Variants in GMDS observed in about 807,000 individuals in gnomAD.
GMDS encodes the protein GDP-mannose 4,6 dehydratase.
GMDS carries 20 observed loss-of-function variants against 49.9 expected under a neutral mutation model. That is an observed-to-expected ratio of 0.40 (90% CI 0.28 to 0.58). The LOEUF (loss-of-function observed/expected upper bound fraction) is 0.58. Among genes scored for constraint, GMDS ranks in the 20% least tolerant of loss-of-function variants. The pLI, the probability that GMDS is intolerant of heterozygous loss-of-function variation, is 0.42. For synonymous variants in GMDS, 177 were observed against 178.6 expected (o/e 0.99, Z 0.07); for missense variants, 362 against 481.4 (o/e 0.75, Z 2.32).
At chr6:2,192,431 A>G (rs1779071971) in intron 1 of GMDS, among the ~76,000 whole-genome samples, 2 of 152,226 alleles carry the variant, frequency 1.3e-5, no homozygotes, top group Admixed American at 1.3e-4. Context: ...AGGCTAAAAG[A>G]GCTGTAACAC....
chr6:2,095,512 A>G (rs186478556), intron 4 of GMDS, among the ~76,000 whole-genome samples: 30 of 152,338 alleles, frequency 2.0e-4, no homozygotes, highest in African/African-American at 7.2e-4. Flanking sequence ...AGTATAAAAT[A>G]TTAAGAATCT....
chr6:2,101,852 AT>A (rs1773945141), intron 4 of GMDS, among the ~76,000 whole-genome samples: 1 of 152,116 alleles, frequency 6.6e-6, no homozygotes, highest in South Asian at 2.1e-4. Context: ...GTATCTATAT[AT>A]GTTTAAATAT....
chr6:1,862,620 T>C (rs1051434913), intron 7 of GMDS, among the ~76,000 whole-genome samples: 6 of 152,258 alleles, frequency 3.9e-5, no homozygotes, highest in African/African-American at 1.4e-4. Context: ...TACTGATTAG[T>C]CTTTGCCAAA....
At chr6:2,092,341 C>G (rs1321431648) in intron 4 of GMDS, among the ~76,000 whole-genome samples, 2 of 152,158 alleles carry the variant, frequency 1.3e-5, no homozygotes, top group African/African-American at 4.8e-5. Flanking sequence ...TCTACTCACA[C>G]ATTGCCCTTT....
At chr6:1,724,086 A>G (rs1362450204) in intron 9 of GMDS, among the ~76,000 whole-genome samples, 1 of 152,224 alleles carries the variant, frequency 6.6e-6, no homozygotes, top group African/African-American at 2.4e-5. Flanking sequence ...CATACAGGAA[A>G]AGCTTACCCA....
chr6:1,818,135 C>T (rs868160442), intron 7 of GMDS, among the ~76,000 whole-genome samples: 7 of 152,116 alleles, frequency 4.6e-5, no homozygotes, highest in South Asian at 2.1e-4. Flanking sequence ...TATGGTATGA[C>T]GACAGGTATA....
At chr6:1,670,049 G>T (rs1210622417) in intron 9 of GMDS, among the ~76,000 whole-genome samples, 3 of 151,846 alleles carry the variant, frequency 2.0e-5, no homozygotes, top group Non-Finnish European at 2.9e-5. Context: ...GAACATCTTG[G>T]TGTCACAAAC....
chr6:1,720,127 G>T (rs900324709), intron 9 of GMDS, among the ~76,000 whole-genome samples: 11 of 152,244 alleles, frequency 7.2e-5, no homozygotes, highest in African/African-American at 2.6e-4. Context: ...TTTTAATCTA[G>T]ATCTGATAAT....
intron 9 of GMDS, among the ~76,000 whole-genome samples, chr6:1,697,227 C>T (rs922649739): frequency 2.6e-5 from 4 of 152,306 alleles, no homozygotes; most frequent in African/African-American, 9.6e-5. Context: ...GCAGGTGTCC[C>T]CCAAACTCTA....
At chr6:1,982,270 C>T (rs913402500) in intron 4 of GMDS, among the ~76,000 whole-genome samples, 11 of 152,168 alleles carry the variant, frequency 7.2e-5, no homozygotes, top group African/African-American at 2.4e-4. Context: ...AACTCACAGC[C>T]ATTATCATAC....
At chr6:1,696,829 A>G (rs185529781) in intron 9 of GMDS, among the ~76,000 whole-genome samples, 2 of 152,180 alleles carry the variant, frequency 1.3e-5, no homozygotes, top group East Asian at 1.9e-4. Flanking sequence ...GGAAAATCTC[A>G]TGGATGAAGA....
intron 9 of GMDS, among the ~76,000 whole-genome samples, chr6:1,711,496 C>T (rs370323094): frequency 2.0e-5 from 3 of 152,314 alleles, no homozygotes; most frequent in South Asian, 4.1e-4. Context: ...TTGGGTAACC[C>T]ACCCATCCAC....
intron 9 of GMDS, among the ~76,000 whole-genome samples, chr6:1,676,983 T>G (rs1454981743): frequency 6.6e-6 from 1 of 151,766 alleles, no homozygotes; most frequent in Non-Finnish European, 1.5e-5. Flanking sequence ...ACTAACAGAG[T>G]GAACAGGCAA....
At chr6:1,793,881 T>C (rs1769639112) in intron 7 of GMDS, among the ~76,000 whole-genome samples, 3 of 152,134 alleles carry the variant, frequency 2.0e-5, no homozygotes. Context: ...AATGAAGAAA[T>C]GTTTGTACTC....
At chr6:2,040,818 T>A (rs1245500524) in intron 4 of GMDS, among the ~76,000 whole-genome samples, 1 of 152,198 alleles carries the variant, frequency 6.6e-6, no homozygotes, top group African/African-American at 2.4e-5. Flanking sequence ...CACCCTTATC[T>A]CTGATCAAAG....
Position 2,210,020 on chromosome 6 carries a change from G to T in GMDS, c.102+35301C>A, listed in dbSNP as rs78391823. On this transcript the variant is annotated intron_variant, in intron 1 of 10. Coordinates refer to ENST00000380815, the MANE Select transcript of GMDS (RefSeq NM_001500.4). The stretch of plus-strand genomic sequence containing the variant: ...TCTGTTGTATGTAATTAGTGAAAAA[G>T]ATAATCACTATTCTACACTAGAGAA... Among the ~76,000 whole-genome samples the T allele has an allele frequency of 3.5e-4, 54 of 152,220 alleles. No homozygotes were observed. In the East Asian group the frequency reaches 4.2e-3, roughly 12 times the overall value.
intron 6 of GMDS, among the ~76,000 whole-genome samples, chr6:1,942,402 T>C (rs1400621520): frequency 6.6e-6 from 1 of 152,188 alleles, no homozygotes; most frequent in African/African-American, 2.4e-5. Flanking sequence ...CACATGGTTC[T>C]AATGGGAGTA....
chr6:2,113,546 CTCA>C (rs1396875519), intron 4 of GMDS, among the ~76,000 whole-genome samples: 1 of 151,904 alleles, frequency 6.6e-6, no homozygotes, highest in Non-Finnish European at 1.5e-5. Flanking sequence ...TTCTCTTTGC[CTCA>C]TATTATTACC....
intron 4 of GMDS, among the ~76,000 whole-genome samples, chr6:2,036,049 C>T (rs977019995): frequency 1.3e-5 from 2 of 152,064 alleles, no homozygotes; most frequent in South Asian, 2.1e-4. Flanking sequence ...CTGGCCTGGG[C>T]GACTGTCTCA....
Sources: allele counts gnomAD v4.1 joint callset (sites outside exome capture counted in the v4.1 genomes callset), GRCh38; gene constraint gnomAD v4.1.1; transcripts MANE v1.5; gene names NCBI Gene and HGNC (gene_info 2026-07-23, HGNC 2026-07-21).